The following IFNG-AS1 variants were observed in gnomAD, a reference collection of about 807,000 sequenced individuals.
The protein encoded by IFNG-AS1 is IFNG regulatory antisense RNA 1, also known as IFNG antisense RNA 1 (non-protein coding).
At chr12:67,990,870 G>A (rs1199372134) in intron 1 of IFNG-AS1, among the ~76,000 whole-genome samples, 1 of 152,068 alleles carries the variant, frequency 6.6e-6, no homozygotes, top group Admixed American at 6.5e-5. Context: ...GGGATTACAG[G>A]CATGAGCCAC....
intron 2 of IFNG-AS1, among the ~76,000 whole-genome samples, chr12:67,996,717 A>G (rs911570443): frequency 6.6e-6 from 1 of 152,236 alleles, no homozygotes; most frequent in Non-Finnish European, 1.5e-5. Flanking sequence ...GGTAATATGC[A>G]GTGGTTAATA....
At chr12:68,012,407 A>G (rs1370220628) in intron 3 of IFNG-AS1, among the ~76,000 whole-genome samples, 3 of 152,224 alleles carry the variant, frequency 2.0e-5, no homozygotes, top group African/African-American at 7.2e-5. Flanking sequence ...AAACAAGGTC[A>G]TGCAGCTGTG....
intron 2 of IFNG-AS1, among the ~76,000 whole-genome samples, chr12:68,003,917 A>C (rs1879844860): frequency 6.6e-6 from 1 of 152,122 alleles, no homozygotes; most frequent in African/African-American, 2.4e-5. Flanking sequence ...AAAAAAAAAA[A>C]AAAAGAATCC....
Position 67,994,976 on chromosome 12 carries a change from A to T in IFNG-AS1, n.52-965A>T, listed in dbSNP as rs181560871. Among the ~76,000 whole-genome samples, 655 of 152,374 alleles carry T rather than the reference A, an allele frequency of 4.3e-3. 4 individuals are homozygous for T. Among genetic ancestry groups the T allele is most frequent in the South Asian group, 0.019 (90 of 4,828 alleles). Reference sequence around the variant, plus strand: ...TTCATAAATTGTATATAATATGCTTACAAGAGTGTCTTAATACACAGATGA... The same window carrying T: ...TTCATAAATTGTATATAATATGCTTTCAAGAGTGTCTTAATACACAGATGA... On this transcript the variant is annotated intron_variant and non_coding_transcript_variant, in intron 1 of 5. Transcript: ENST00000536914.
At chr12:68,018,745 T>G (rs765180029) in intron 3 of IFNG-AS1, among the ~76,000 whole-genome samples, 1 of 151,260 alleles carries the variant, frequency 6.6e-6, no homozygotes, top group Non-Finnish European at 1.5e-5. Context: ...TTTGAGTCCT[T>G]ACTTTTTTTT....
chr12:68,017,331 CA>C, intron 3 of IFNG-AS1, among the ~76,000 whole-genome samples: 1 of 152,224 alleles, frequency 6.6e-6, no homozygotes. Flanking sequence ...AACTGGAGGC[CA>C]TGGGAAGACT....
intron 1 of IFNG-AS1, among the ~76,000 whole-genome samples, chr12:67,994,804 A>T (rs1879597283): frequency 6.6e-6 from 1 of 152,208 alleles, no homozygotes. Context: ...TCCACCGCAG[A>T]TTTAAAGTAT....
At chr12:68,018,986 T>C (rs980656696) in intron 3 of IFNG-AS1, among the ~76,000 whole-genome samples, 5 of 152,124 alleles carry the variant, frequency 3.3e-5, no homozygotes, top group Non-Finnish European at 5.9e-5. Context: ...CTAATTCTTG[T>C]GGAGCCTTCA....
intron 1 of IFNG-AS1, among the ~76,000 whole-genome samples, chr12:67,990,545 A>G (rs1592816939): frequency 6.6e-6 from 1 of 152,190 alleles, no homozygotes; most frequent in East Asian, 1.9e-4. Context: ...GAAGCTTTCT[A>G]ATCCTTTTTT....
chr12:68,012,035 G>T (rs1880043144), intron 3 of IFNG-AS1, among the ~76,000 whole-genome samples: 1 of 152,106 alleles, frequency 6.6e-6, no homozygotes, highest in South Asian at 2.1e-4. Context: ...AATTTCATCA[G>T]AAAGAAAAAT....
At chr12:68,006,842 A>G (rs1592825376) in intron 3 of IFNG-AS1, among the ~76,000 whole-genome samples, 2 of 152,354 alleles carry the variant, frequency 1.3e-5, no homozygotes. Context: ...ATGAGACCCT[A>G]GTCCCAGCTG....
At chr12:67,991,455 C>G (rs1042959275) in intron 1 of IFNG-AS1, among the ~76,000 whole-genome samples, 10 of 152,254 alleles carry the variant, frequency 6.6e-5, no homozygotes, top group East Asian at 1.9e-4. Flanking sequence ...CTCAGGAGAC[C>G]AGGGGATGCT....
chr12:68,004,238 C>A (rs1879855106), intron 2 of IFNG-AS1, among the ~76,000 whole-genome samples: 1 of 152,228 alleles, frequency 6.6e-6, no homozygotes, highest in Non-Finnish European at 1.5e-5. Flanking sequence ...GGACAGCACT[C>A]TTTTATACTT....
chr12:68,007,940 T>G (rs187435769), intron 3 of IFNG-AS1, among the ~76,000 whole-genome samples: 80 of 152,320 alleles, frequency 5.3e-4, no homozygotes, highest in African/African-American at 1.8e-3. Context: ...AAGCTTCTTC[T>G]GAAGCAATAT....
At chr12:68,015,056 A>G (rs1315106991) in intron 3 of IFNG-AS1, among the ~76,000 whole-genome samples, 2 of 152,156 alleles carry the variant, frequency 1.3e-5, no homozygotes, top group Non-Finnish European at 2.9e-5. Context: ...TGAGAAAAGC[A>G]TTTTCCTAGC....
Position 68,017,045 on chromosome 12 carries a change from G to A in IFNG-AS1, n.242-2817G>A, listed in dbSNP as rs927616323. On this transcript the variant is annotated intron_variant and non_coding_transcript_variant, in intron 3 of 5. Coordinates refer to ENST00000536914, the Ensembl canonical transcript of IFNG-AS1. ...GAAAAGAACAGAGTGCCCTACAAGC[G>A]AATGACAGAAGGGACCTTTTGTCAT... Among the ~76,000 whole-genome samples, 8 of 152,262 alleles carry A rather than the reference G, an allele frequency of 5.3e-5. No homozygotes were observed. In the East Asian group the frequency reaches 7.7e-4, roughly 15 times the overall value.
chr12:68,007,037 G>A (rs1325546143), intron 3 of IFNG-AS1, among the ~76,000 whole-genome samples: 3 of 152,160 alleles, frequency 2.0e-5, no homozygotes, highest in African/African-American at 7.2e-5. Context: ...AAAATCACAT[G>A]GAAGAGTGCT....
chr12:67,997,852 T>C (rs1054339521), intron 2 of IFNG-AS1, among the ~76,000 whole-genome samples: 1 of 151,948 alleles, frequency 6.6e-6, no homozygotes, highest in Non-Finnish European at 1.5e-5. Flanking sequence ...CAAGAGTAGA[T>C]AATTCACAAA....
At chr12:67,991,626 GC>G (rs1314180667) in intron 1 of IFNG-AS1, among the ~76,000 whole-genome samples, 1 of 152,226 alleles carries the variant, frequency 6.6e-6, no homozygotes, top group East Asian at 1.9e-4. Flanking sequence ...TCAAAGGAAA[GC>G]CCGCAAGATG....
Sources: gnomAD v4.1 joint callset for allele counts (sites outside exome capture counted in the v4.1 genomes callset) on GRCh38, gnomAD v4.1.1 for gene constraint, MANE v1.5 for transcripts, NCBI Gene and HGNC (gene_info 2026-07-23, HGNC 2026-07-21) for gene names.